SLC13A2: variants seen among roughly 807,000 people sequenced by gnomAD.
SLC13A2 encodes Na(+)-coupled citrate transporter.
Under a neutral mutation model 58.5 loss-of-function variants are expected in SLC13A2, and 40 were observed. The ratio of observed to expected loss-of-function variants is 0.68; its 90% CI spans 0.53 to 0.89. The LOEUF is 0.89. Among genes scored for constraint, SLC13A2 ranks in the 40% least tolerant of loss-of-function variants. SLC13A2 has a pLI of 0.00. For synonymous variants in SLC13A2, 341 were observed against 331.6 expected, an observed-to-expected ratio of 1.03 and a Z score of -0.31; for missense variants, 694 against 772.6, an observed-to-expected ratio of 0.90 and a Z score of 1.21.
intron 1 of SLC13A2, among the ~76,000 whole-genome samples, chr17:28,476,824 G>A (rs996254715): frequency 1.3e-5 from 2 of 152,078 alleles, no homozygotes; most frequent in Admixed American, 1.3e-4. Flanking sequence ...CTTGTCCCAT[G>A]CAGAATCCCC....
chr17:28,477,125 A>T (rs559604934), intron 1 of SLC13A2, among the ~76,000 whole-genome samples: 1 of 150,634 alleles, frequency 6.6e-6, no homozygotes, highest in African/African-American at 2.4e-5. Context: ...ACGCCATTGC[A>T]CTCCAGTCTG....
chr17:28,490,072 G>A (rs1190342746), intron 2 of SLC13A2, among the ~76,000 whole-genome samples: 9 of 152,148 alleles, frequency 5.9e-5, no homozygotes, highest in African/African-American at 1.4e-4. Context: ...TCAGGAGTTC[G>A]AGACCAGCCT....
chr17:28,484,974 C>A lies in SLC13A2; in HGVS notation c.103-4240C>A, dbSNP rs188572417. ...GGGGTGACACCAGTGGGAAAGGAGG[C>A]TTTACAGACCAGGCCAGCACCTGAA... is the stretch of plus-strand genomic sequence containing the variant. On this transcript the variant is annotated intron_variant, in intron 1 of 11. Coordinates refer to ENST00000314669, the MANE Select transcript of SLC13A2 (RefSeq NM_003984.4). Among the ~76,000 whole-genome samples the A allele has an allele frequency of 1.7e-4, 26 of 152,192 alleles. No homozygotes were observed. The East Asian group carries it at 4.4e-3, about 26-fold the overall frequency.
chr17:28,474,724 G>C (rs1281673380), intron 1 of SLC13A2, among the ~76,000 whole-genome samples: 1 of 152,116 alleles, frequency 6.6e-6, no homozygotes, highest in African/African-American at 2.4e-5. Flanking sequence ...CAGGGGGAAG[G>C]CCTTGAAGTT....
Position 28,496,626 on chromosome 17 carries a change from C to T in SLC13A2, c.1608+39C>T. 1.3e-6 allele frequency: 2 copies of T among 1,582,486 alleles called. No individual in the cohort carries two copies. The highest frequency in any genetic ancestry group is 1.7e-6 in the Non-Finnish European group (2 of 1,159,550). ...AGGCCTGAATGCCTCATCCCTCCTT[C>T]CTGCTCTGACTTTTCATCTTAGTGA... On this transcript the variant is annotated intron_variant, in intron 11 of 11. Transcript: ENST00000314669. This position sits in a 1 kb window ranked among gnomAD's most constrained non-coding sequence, Gnocchi z 4.2.
chr17:28,488,664 A>G (rs989080806), intron 1 of SLC13A2, among the ~76,000 whole-genome samples: 2 of 150,552 alleles, frequency 1.3e-5, no homozygotes, highest in Non-Finnish European at 3.0e-5. Context: ...ATAAATGTAA[A>G]TTGCTCCTCT....
At chr17:28,477,379 A>G (rs528946478) in intron 1 of SLC13A2, among the ~76,000 whole-genome samples, 212 of 151,570 alleles carry the variant, frequency 1.4e-3, no homozygotes, top group Non-Finnish European at 2.2e-3. Flanking sequence ...TATTTTTAGT[A>G]GAGACGGGGT....
At chr17:28,491,982 T>A (rs2069036952) in intron 6 of SLC13A2, 130 bp downstream of exon 6, 2 of 1,318,604 alleles carry the variant, frequency 1.5e-6, no homozygotes, top group Admixed American at 5.3e-5. Context: ...CCAAAGCCCC[T>A]CTGTGCACTT....
chr17:28,475,834 CTG>C (rs1394040327), intron 1 of SLC13A2, among the ~76,000 whole-genome samples: 29 of 152,186 alleles, frequency 1.9e-4, no homozygotes, highest in African/African-American at 6.8e-4. Flanking sequence ...CCATCTGACT[CTG>C]AGGTTTTCCA....
chr17:28,497,734 G>C lies in SLC13A2; in HGVS notation c.*465G>C, dbSNP rs1567863389. The C allele has an allele frequency of 6.3e-6, 1 of 159,276 alleles. No homozygotes were observed. The highest frequency in any genetic ancestry group is 2.4e-5 in the African/African-American group (1 of 41,702). The allele number at this position is 159,276 out of a possible 1,614,324, so 9.9% of individuals were successfully genotyped here. A position where few individuals can be genotyped will look rare whatever the true frequency, so the allele number is the denominator to read the frequency against. The stretch of plus-strand genomic sequence containing the variant: ...GAGGGCCTGCCAGCAGCTGCCACGG[G>C]AACAGCCTCTGGGCTGTTAAAGTCA... On this transcript the variant is annotated 3_prime_UTR_variant, in exon 12 of 12. Coordinates refer to ENST00000314669, the MANE Select transcript of SLC13A2 (RefSeq NM_003984.4).
intron 1 of SLC13A2, among the ~76,000 whole-genome samples, chr17:28,474,809 A>G (rs782095926): frequency 3.3e-5 from 5 of 152,076 alleles, no homozygotes; most frequent in Non-Finnish European, 7.4e-5. Context: ...TCTGGTGCCA[A>G]AGCATGTCTT....
In SLC13A2 at chr17:28,495,705, T is replaced by C. The variant is rs781983629; in HGVS notation, c.1359T>C (p.Ser453=). 3.1e-6 allele frequency: 5 copies of C among 1,612,088 alleles called. No individual in the cohort carries two copies. Among genetic ancestry groups the C allele is most frequent in the East Asian group, 2.2e-5 (1 of 44,860 alleles). ...GAAACAAGCTGACCCCACTGCAGAG[T>C]GTGCCAGCTCCAGCCATTGCCATCA... ...WLGNKLTPLQ[S]VPAPAIAIIL... Residue 453 remains serine, a synonymous_variant, in exon 10 of 12, where the codon AGT becomes AGC. Coordinates refer to ENST00000314669, the MANE Select transcript of SLC13A2 (RefSeq NM_003984.4).
Position 28,494,467 on chromosome 17 carries a change from C to G in SLC13A2, c.1263C>G (p.Ile421Met), listed in dbSNP as rs782425937. The G allele has an allele frequency of 6.2e-7, 1 of 1,614,060 alleles. No homozygotes were observed. The highest frequency in any genetic ancestry group is 8.5e-7 in the Non-Finnish European group (1 of 1,179,982). ...TGAACCAGAAGATGCCGTGGAATAT[C>G]GTGTTATTGCTGGGTGGTGGCTATG... Reference protein sequence around the residue: ...KTVNQKMPWNIVLLLGGGYAL... With the variant: ...KTVNQKMPWNMVLLLGGGYAL... Residue 421 changes from isoleucine to methionine, a missense_variant, in exon 9 of 12, where the codon ATC becomes ATG. Transcript: ENST00000314669. The surrounding 1 kb of genome is among the most constrained non-coding windows in gnomAD (Gnocchi z 4.0).
Position 28,495,768 on chromosome 17 carries a change from T to A in SLC13A2, c.1422T>A (p.Thr474=). 1 of 1,607,922 alleles carries A rather than the reference T, an allele frequency of 6.2e-7. No homozygotes were observed. The highest frequency in any genetic ancestry group is 1.1e-5 in the South Asian group (1 of 90,934). ...SLLVATFTEC[T]SNVATTTIFL... ...TGGTGGCCACCTTCACCGAGTGCACTAGCAACGTGGCCACCACTACGATCT... is the reference window on the plus strand; with the variant it reads ...TGGTGGCCACCTTCACCGAGTGCACAAGCAACGTGGCCACCACTACGATCT... The change falls in exon 10 of 12, where the codon ACT becomes ACA. Residue 474 remains threonine (T), a synonymous_variant. Coordinates refer to ENST00000314669, the MANE Select transcript of SLC13A2 (RefSeq NM_003984.4).
In SLC13A2 at chr17:28,495,951, A is replaced by T. The variant is rs782316223; in HGVS notation, c.1470+135A>T. ...TCCTGAAGAGGACCCCTGAGTTTCC[A>T]TCCTTCTCCAGGCTCTTGAGCCACC... On this transcript the variant is annotated intron_variant, in intron 10 of 11. Transcript: ENST00000314669. The T allele has an allele frequency of 1.0e-4, 123 of 1,181,690 alleles. 1 individual carries two copies. The highest frequency in any genetic ancestry group is 1.4e-4 in the Non-Finnish European group (121 of 848,100). 73.2% of individuals were successfully genotyped at this position (1,181,690 alleles called of 1,614,324 possible). A position where few individuals can be genotyped will look rare whatever the true frequency, so the allele number is the denominator to read the frequency against.
chr17:28,479,932 A>G (rs1442549813), intron 1 of SLC13A2, among the ~76,000 whole-genome samples: 1 of 152,150 alleles, frequency 6.6e-6, no homozygotes, highest in Non-Finnish European at 1.5e-5. Context: ...AGGCAGGTGG[A>G]TCACCTGGAG....
At chr17:28,491,682 G>C (rs1332534591) in intron 5 of SLC13A2, 48 bp from the exon 6 acceptor site, 2 of 1,610,260 alleles carry the variant, frequency 1.2e-6, no homozygotes, top group African/African-American at 2.7e-5. Flanking sequence ...AATGGGGCTG[G>C]GCAGTTCTCG....
chr17:28,476,960 C>T, intron 1 of SLC13A2, among the ~76,000 whole-genome samples: 1 of 150,996 alleles, frequency 6.6e-6, no homozygotes, highest in South Asian at 2.1e-4. Context: ...AGTTTGAGAC[C>T]AGCCTGGCCA....
rs782263796 is a variant in SLC13A2, at chr17:28,494,344, G to A, written c.1187-47G>A. On this transcript the variant is annotated intron_variant, in intron 8 of 11. Transcript: ENST00000314669. The surrounding 1 kb of genome is among the most constrained non-coding windows in gnomAD (Gnocchi z 4.0). ...GGAGCCCGCAAATGGAGAGGGGAAA[G>A]GCCTGTTTGTTCTTTGGTGACCCAT... 6.2e-7 allele frequency: 1 copy of A among 1,614,074 alleles called. No individual in the cohort carries two copies.
Sources: gnomAD v4.1 joint callset for allele counts (sites outside exome capture counted in the v4.1 genomes callset) on GRCh38, gnomAD v4.1.1 for gene constraint, Gnocchi (gnomAD v3.1) non-coding constraint, MANE v1.5 for transcripts, NCBI Gene and HGNC (gene_info 2026-07-23, HGNC 2026-07-21) for gene names.